ATXN1: variants seen among roughly 807,000 people sequenced by gnomAD.
ATXN1 encodes ataxin 1, also known as ataxin-1.
A neutral mutation model predicts 56.4 loss-of-function variants in ATXN1; 8 were observed. The ratio of observed to expected loss-of-function variants is 0.14; its 90% CI spans 0.08 to 0.26. ATXN1 has a LOEUF of 0.26. Among genes scored for constraint, ATXN1 ranks in the 10% least tolerant of loss-of-function variants. The pLI is 1.00. For synonymous variants in ATXN1, 514 were observed against 494.6 expected, an observed-to-expected ratio of 1.04 and a Z score of -0.52; for missense variants, 987 against 1,106.5, an observed-to-expected ratio of 0.89 and a Z score of 1.53.
chr6:16,713,138 A>AT (rs1371814473), intron 2 of ATXN1, among the ~76,000 whole-genome samples: 2 of 152,220 alleles, frequency 1.3e-5, no homozygotes, highest in Non-Finnish European at 2.9e-5. Context: ...AGTAGATGCC[A>AT]TGTGAGCACA....
rs1044928142 is a variant in ATXN1, at chr6:16,299,507, T to G, written c.*6822A>C. The G allele has an allele frequency of 6.6e-6, 1 of 152,668 alleles. No homozygotes were observed. The highest frequency in any genetic ancestry group is 2.4e-5 in the African/African-American group (1 of 41,458). 9.5% of individuals were successfully genotyped at this position (152,668 alleles called of 1,614,324 possible). On this transcript the variant is annotated 3_prime_UTR_variant, in exon 8 of 8. Coordinates refer to ENST00000436367, the MANE Select transcript of ATXN1 (RefSeq NM_001128164.2). ...TATTATGTATGCACTTAAAATTTTCTTTTCAATAAGGTGCAAAACATCATT... is the reference window on the plus strand; with the variant it reads ...TATTATGTATGCACTTAAAATTTTCGTTTCAATAAGGTGCAAAACATCATT...
chr6:16,687,104 C>T (rs969748426), intron 2 of ATXN1, among the ~76,000 whole-genome samples: 1 of 152,198 alleles, frequency 6.6e-6, no homozygotes. Flanking sequence ...GTAATTACAA[C>T]CAGGAGGCCA....
Position 16,717,479 on chromosome 6 carries a change from G to C in ATXN1, c.-615+35754C>G, listed in dbSNP as rs546143371. Among the ~76,000 whole-genome samples the C allele has an allele frequency of 2.6e-5, 4 of 152,356 alleles. No individual in the cohort carries two copies. In the East Asian group the frequency reaches 7.7e-4, roughly 29 times the overall value. On this transcript the variant is annotated intron_variant, in intron 2 of 7. Coordinates refer to ENST00000436367, the MANE Select transcript of ATXN1 (RefSeq NM_001128164.2). ...TGACTCCATATGGATCTTCCTTAGAGAGCATGTGCACTGTGACTGCTGCTG... is the reference window on the plus strand; with the variant it reads ...TGACTCCATATGGATCTTCCTTAGACAGCATGTGCACTGTGACTGCTGCTG...
chr6:16,442,957 A>G (rs1429176093), intron 6 of ATXN1, among the ~76,000 whole-genome samples: 1 of 152,124 alleles, frequency 6.6e-6, no homozygotes, highest in African/African-American at 2.4e-5. Flanking sequence ...GGCTGCAGTG[A>G]GCCAAGATGG....
Position 16,640,438 on chromosome 6 carries a change from C to T in ATXN1, c.-489+17338G>A, listed in dbSNP as rs1277975670. On this transcript the variant is annotated intron_variant, in intron 3 of 7. Coordinates refer to ENST00000436367, the MANE Select transcript of ATXN1 (RefSeq NM_001128164.2). The stretch of plus-strand genomic sequence containing the variant: ...GGGGCTCACGCCTGTAATCCCAGCA[C>T]TTTGGGAGGCCAAGGTGGGCAGATC... 2.0e-5 allele frequency among the ~76,000 whole-genome samples: 3 copies of T among 152,258 alleles called. No homozygotes were observed. In the South Asian group the frequency reaches 6.2e-4, roughly 32 times the overall value.
intron 5 of ATXN1, among the ~76,000 whole-genome samples, chr6:16,511,662 T>C (rs1055405261): frequency 1.4e-4 from 21 of 152,158 alleles, no homozygotes; most frequent in Admixed American, 1.3e-4. Context: ...AGTGAGAGGA[T>C]TGCTTGAGCC....
chr6:16,460,922 T>C (rs1446441865), intron 6 of ATXN1, among the ~76,000 whole-genome samples: 1 of 152,246 alleles, frequency 6.6e-6, no homozygotes, highest in Non-Finnish European at 1.5e-5. Context: ...AGTATGCTTA[T>C]CTAATCCTAC....
chr6:16,428,535 C>T (rs1759208600), intron 6 of ATXN1, among the ~76,000 whole-genome samples: 1 of 151,908 alleles, frequency 6.6e-6, no homozygotes, highest in African/African-American at 2.4e-5. Context: ...TTCTTAAGCG[C>T]TTGCACTGTT....
At chr6:16,476,173 T>G (rs185562400) in intron 6 of ATXN1, among the ~76,000 whole-genome samples, 4 of 152,312 alleles carry the variant, frequency 2.6e-5, no homozygotes, top group Non-Finnish European at 5.9e-5. Context: ...TCATTAATAT[T>G]TTGATTAACG....
At chr6:16,644,261 C>G (rs1212744432) in intron 3 of ATXN1, among the ~76,000 whole-genome samples, 1 of 152,152 alleles carries the variant, frequency 6.6e-6, no homozygotes, top group Non-Finnish European at 1.5e-5. Context: ...TGGTGGCTCA[C>G]GCCCCAGCAC....
chr6:16,522,732 T>G (rs1761318012), intron 4 of ATXN1, 44 bp from the exon 5 acceptor site: 3 of 152,222 alleles, frequency 2.0e-5, no homozygotes, highest in Admixed American at 2.0e-4. Context: ...AATAACTCCA[T>G]TCTCTAAATC....
intron 2 of ATXN1, among the ~76,000 whole-genome samples, chr6:16,686,178 A>G (rs1758913356): frequency 6.6e-6 from 1 of 152,234 alleles, no homozygotes; most frequent in Non-Finnish European, 1.5e-5. Context: ...GGTTTTTGGT[A>G]ATACCTTGTT....
intron 4 of ATXN1, among the ~76,000 whole-genome samples, chr6:16,567,643 T>C (rs1338765334): frequency 6.6e-6 from 1 of 152,246 alleles, no homozygotes; most frequent in African/African-American, 2.4e-5. Context: ...GCTGCTCTGC[T>C]AACAATGAGA....
At chr6:16,706,597 C>A (rs777048608) in intron 2 of ATXN1, among the ~76,000 whole-genome samples, 4 of 151,852 alleles carry the variant, frequency 2.6e-5, no homozygotes, top group Non-Finnish European at 4.4e-5. Context: ...TGGTAGTGCA[C>A]ACTTGTAATC....
intron 2 of ATXN1, among the ~76,000 whole-genome samples, chr6:16,688,615 C>T (rs1266679459): frequency 6.6e-6 from 1 of 152,226 alleles, no homozygotes; most frequent in Non-Finnish European, 1.5e-5. Context: ...AATAGCCAGC[C>T]TTGCTCAACA....
chr6:16,494,012 T>C lies in ATXN1; in HGVS notation c.-298-7903A>G, dbSNP rs2113666035. 1.3e-5 allele frequency among the ~76,000 whole-genome samples: 2 copies of C among 152,228 alleles called. 1 individual carries two copies. Among genetic ancestry groups the C allele is most frequent in the South Asian group, 4.2e-4 (2 of 4,812 alleles). ...CAGCCCAGCAGGGTGCAGAGCCCTGTCTCCACCCTGCCCACCAAGGAGCTT... is the reference window on the plus strand; with the variant it reads ...CAGCCCAGCAGGGTGCAGAGCCCTGCCTCCACCCTGCCCACCAAGGAGCTT... On this transcript the variant is annotated intron_variant, in intron 5 of 7. Coordinates refer to ENST00000436367, the MANE Select transcript of ATXN1 (RefSeq NM_001128164.2).
intron 6 of ATXN1, among the ~76,000 whole-genome samples, chr6:16,337,686 T>G (rs375190045): frequency 2.0e-5 from 3 of 152,236 alleles, no homozygotes; most frequent in African/African-American, 7.2e-5. Context: ...CCAGGTTAGC[T>G]ACCCGGGGGC....
At chr6:16,602,354 C>T (rs1762926616) in intron 3 of ATXN1, among the ~76,000 whole-genome samples, 2 of 152,214 alleles carry the variant, frequency 1.3e-5, no homozygotes, top group Admixed American at 1.3e-4. Flanking sequence ...CAAAAAAAAT[C>T]CATACTTTAA....
At chr6:16,586,634 G>A (rs999453512) in intron 3 of ATXN1, among the ~76,000 whole-genome samples, 1 of 152,190 alleles carries the variant, frequency 6.6e-6, no homozygotes, top group Non-Finnish European at 1.5e-5. Flanking sequence ...CAGTACTTAA[G>A]CCAACAGTTC....
Sources: gnomAD v4.1 joint callset for allele counts (sites outside exome capture counted in the v4.1 genomes callset) on GRCh38, gnomAD v4.1.1 for gene constraint, MANE v1.5 for transcripts, NCBI Gene and HGNC (gene_info 2026-07-23, HGNC 2026-07-21) for gene names.